CNMD: variants seen among roughly 807,000 people sequenced by gnomAD.
CNMD encodes chondromodulin, also known as leukocyte cell-derived chemotaxin 1.
A neutral mutation model predicts 37.5 loss-of-function variants in CNMD; 30 were observed. That is an observed-to-expected ratio of 0.80 (90% CI 0.60 to 1.09). CNMD has a LOEUF of 1.09. Ranked by LOEUF, CNMD falls within the 50% of genes least tolerant of loss-of-function variation. The pLI is 0.00. For synonymous variants in CNMD, 167 were observed against 148.2 expected (o/e 1.13, Z -0.92); for missense variants, 398 against 423.9 (o/e 0.94, Z 0.54).
intron 3 of CNMD, among the ~76,000 whole-genome samples, chr13:52,727,863 C>T (rs1964601477): frequency 6.6e-6 from 1 of 152,078 alleles, no homozygotes; most frequent in South Asian, 2.1e-4. Flanking sequence ...TGCAGTTAGA[C>T]AGAAGAAATA....
At position 52,703,791 on chromosome 13, in the gene CNMD, A is replaced by G. The variant is rs1964130036; in HGVS notation, c.809T>C (p.Met270Thr). ...NPYHQQEGES[M>T]TFDPRLDHEG... ...GTGATCCAGTCTAGGGTCGAATGTC[A>G]TGCTTTCCCCTTCCTGCTGCTGTGA... The change falls in exon 7 of 7, where the codon ATG becomes ACG. Residue 270 changes from methionine (M) to threonine (T), a missense_variant. Coordinates refer to ENST00000377962, the MANE Select transcript of CNMD (RefSeq NM_007015.3). 3.7e-6 allele frequency: 6 copies of G among 1,609,204 alleles called. No individual in the cohort carries two copies. The highest frequency in any genetic ancestry group is 2.7e-5 in the African/African-American group (2 of 74,868).
intron 5 of CNMD, 124 bp from the exon 6 acceptor site, chr13:52,708,826 A>T: frequency 1.4e-6 from 1 of 702,196 alleles, no homozygotes; most frequent in Non-Finnish European, 2.4e-6. Flanking sequence ...ATGGCTTAAA[A>T]TTTTTGTACT....
At chr13:52,708,756 A>T (rs999549592) in intron 5 of CNMD, 54 bp from the exon 6 acceptor site, 1 of 1,365,664 alleles carries the variant, frequency 7.3e-7, no homozygotes, top group Admixed American at 2.3e-5. Flanking sequence ...AGGAAATTAG[A>T]TCTGTGTTTA....
intron 3 of CNMD, among the ~76,000 whole-genome samples, chr13:52,729,918 A>T (rs1293443295): frequency 6.6e-6 from 1 of 151,648 alleles, no homozygotes; most frequent in African/African-American, 2.4e-5. Flanking sequence ...CATGTTGGTG[A>T]GCTGCACCCA....
At chr13:52,710,794 A>G (rs1161232488) in intron 5 of CNMD, among the ~76,000 whole-genome samples, 1 of 152,052 alleles carries the variant, frequency 6.6e-6, no homozygotes, top group Non-Finnish European at 1.5e-5. Context: ...TAATTCTTGT[A>G]TGGATGTTGT....
In CNMD at chr13:52,739,194, G is replaced by A. The variant is rs1021014005; in HGVS notation, c.73-23C>T. 9 of 1,454,560 alleles carry A rather than the reference G, an allele frequency of 6.2e-6. No homozygotes were observed. The South Asian group carries it at 1.0e-4, about 17-fold the overall frequency. 90.1% of individuals were successfully genotyped at this position (1,454,560 alleles called of 1,614,324 possible). A position where few individuals can be genotyped will look rare whatever the true frequency, so the allele number is the denominator to read the frequency against. On this transcript the variant is annotated intron_variant, in intron 1 of 6. Coordinates refer to ENST00000377962, the MANE Select transcript of CNMD (RefSeq NM_007015.3). The surrounding 1 kb of genome is among the most constrained non-coding windows in gnomAD (Gnocchi z 5.4). ...CGCCTGCGGGCCGGGGCGGGAGAGG[G>A]ACCGTCGCGTTTGTGCCGCCAGCAC...
intron 6 of CNMD, among the ~76,000 whole-genome samples, chr13:52,704,348 A>C (rs1964140526): frequency 6.6e-6 from 1 of 152,234 alleles, no homozygotes; most frequent in South Asian, 2.1e-4. Context: ...CTTTCATTTC[A>C]GTAACAGAAT....
chr13:52,708,814 A>G (rs984102445), intron 5 of CNMD, 112 bp from the exon 6 acceptor site: 1 of 854,352 alleles, frequency 1.2e-6, no homozygotes, highest in Non-Finnish European at 1.8e-6. Context: ...GTGCATAACC[A>G]GATGGCTTAA....
intron 2 of CNMD, among the ~76,000 whole-genome samples, chr13:52,735,565 G>C (rs955448716): frequency 6.6e-6 from 1 of 151,826 alleles, no homozygotes; most frequent in Non-Finnish European, 1.5e-5. Flanking sequence ...TCCCTAACTA[G>C]GTGCAGGGAT....
chr13:52,708,809 T>C (rs1472839819), intron 5 of CNMD, 107 bp from the exon 6 acceptor site: 11 of 927,558 alleles, frequency 1.2e-5, no homozygotes, highest in Non-Finnish European at 1.8e-5. Context: ...AATTTGTGCA[T>C]AACCAGATGG....
At chr13:52,728,080 T>A (rs958963677) in intron 3 of CNMD, among the ~76,000 whole-genome samples, 2 of 152,136 alleles carry the variant, frequency 1.3e-5, no homozygotes, top group Non-Finnish European at 2.9e-5. Flanking sequence ...GTAACAATTT[T>A]AAAAAGGCAA....
chr13:52,711,203 AG>A (rs1419690425), intron 5 of CNMD, among the ~76,000 whole-genome samples: 1 of 152,164 alleles, frequency 6.6e-6, no homozygotes, highest in African/African-American at 2.4e-5. Context: ...TCTGGGTAAG[AG>A]GCTTGTCCTC....
intron 4 of CNMD, among the ~76,000 whole-genome samples, chr13:52,723,605 T>C (rs1964518542): frequency 6.6e-6 from 1 of 152,216 alleles, no homozygotes; most frequent in South Asian, 2.1e-4. Flanking sequence ...CATCTAGTCA[T>C]GAACCTATCC....
At chr13:52,720,542 C>T (rs1304529220) in intron 4 of CNMD, among the ~76,000 whole-genome samples, 1 of 152,138 alleles carries the variant, frequency 6.6e-6, no homozygotes, top group African/African-American at 2.4e-5. Context: ...TGTTAGTTTT[C>T]CTTCTAACAG....
intron 4 of CNMD, among the ~76,000 whole-genome samples, chr13:52,717,455 T>C (rs1448462898): frequency 6.6e-6 from 1 of 152,224 alleles, no homozygotes; most frequent in African/African-American, 2.4e-5. Context: ...TTTTTGCCCA[T>C]TCACTATGAT....
intron 4 of CNMD, among the ~76,000 whole-genome samples, chr13:52,720,594 C>G (rs1964465964): frequency 6.6e-6 from 1 of 152,196 alleles, no homozygotes; most frequent in Non-Finnish European, 1.5e-5. Context: ...TTGCTGAGGT[C>G]CACTCCAGAC....
At chr13:52,718,564 A>C (rs914366585) in intron 4 of CNMD, among the ~76,000 whole-genome samples, 3 of 152,194 alleles carry the variant, frequency 2.0e-5, no homozygotes, top group Admixed American at 2.0e-4. Flanking sequence ...TTGATTTCAA[A>C]GAACATCTTT....
In CNMD at chr13:52,715,532, G is replaced by A. The variant is rs547737845; in HGVS notation, c.469-2663C>T. 5.9e-5 allele frequency among the ~76,000 whole-genome samples: 9 copies of A among 152,210 alleles called. No homozygotes were observed. In the East Asian group the frequency reaches 1.7e-3, roughly 29 times the overall value. ...CCCACTCCCTGACAGGCCCCGGTGT[G>A]TGATGTTCCCCTCCCTGTGTCCATG... On this transcript the variant is annotated intron_variant, in intron 4 of 6. Coordinates refer to ENST00000377962, the MANE Select transcript of CNMD (RefSeq NM_007015.3).
Position 52,708,719 on chromosome 13 carries a change from AAATT to A in CNMD, c.623-21_623-18del, listed in dbSNP as rs1240227411. 1.7e-5 allele frequency: 26 copies of A among 1,572,224 alleles called. No homozygotes were observed. The highest frequency in any genetic ancestry group is 2.2e-5 in the Non-Finnish European group (25 of 1,157,556). On this transcript the variant is annotated intron_variant, in intron 5 of 6. Transcript: ENST00000377962. ...TCTGGATTTCTGCAAAAATTTCTGTAAATTAATCCCTTTATTTGAATAATTAAGG... is the reference window on the plus strand; with the variant it reads ...TCTGGATTTCTGCAAAAATTTCTGTAAATCCCTTTATTTGAATAATTAAGG...
Sources: gnomAD v4.1 joint callset for allele counts (sites outside exome capture counted in the v4.1 genomes callset) on GRCh38, gnomAD v4.1.1 for gene constraint, Gnocchi (gnomAD v3.1) non-coding constraint, MANE v1.5 for transcripts, NCBI Gene and HGNC (gene_info 2026-07-23, HGNC 2026-07-21) for gene names.